Variants in GTF2F2 observed in about 807,000 individuals in gnomAD.
GTF2F2 encodes the protein ATP-dependent helicase GTF2F2.
Under a neutral mutation model 42.2 loss-of-function variants are expected in GTF2F2, and 23 were observed. That is an observed-to-expected ratio of 0.55 (90% CI 0.39 to 0.77). GTF2F2 has a LOEUF of 0.77. Ranked by LOEUF, GTF2F2 falls within the 30% of genes least tolerant of loss-of-function variation. The pLI, the probability that GTF2F2 is intolerant of heterozygous loss-of-function variation, is 0.00. For missense variants in GTF2F2, 261 were observed against 287.2 expected (o/e 0.91, Z 0.66); for synonymous variants, 105 against 100.8 (o/e 1.04, Z -0.25).
intron 4 of GTF2F2, among the ~76,000 whole-genome samples, chr13:45,204,658 G>C (rs1380487698): frequency 6.6e-6 from 1 of 152,176 alleles, no homozygotes; most frequent in Non-Finnish European, 1.5e-5. Context: ...TTTAAAAAGA[G>C]AGCAGGCAAA....
intron 2 of GTF2F2, among the ~76,000 whole-genome samples, chr13:45,147,634 C>G (rs1409860694): frequency 3.9e-5 from 6 of 152,088 alleles, no homozygotes; most frequent in Non-Finnish European, 7.4e-5. Flanking sequence ...AAGATACTTC[C>G]TCAACAAAGA....
At chr13:45,194,111 G>C (rs1365683909) in intron 4 of GTF2F2, 1 of 1,613,838 alleles carries the variant, frequency 6.2e-7, no homozygotes, top group Non-Finnish European at 8.5e-7. Flanking sequence ...CTTAATCCTT[G>C]TGAACGATCG....
chr13:45,225,330 A>G (rs529635643), intron 5 of GTF2F2, among the ~76,000 whole-genome samples: 4 of 151,776 alleles, frequency 2.6e-5, no homozygotes, highest in Admixed American at 1.3e-4. Context: ...TTTGAAATCA[A>G]TCACTTAATG....
chr13:45,254,952 A>C (rs552435824), intron 6 of GTF2F2, among the ~76,000 whole-genome samples: 1 of 152,200 alleles, frequency 6.6e-6, no homozygotes, highest in East Asian at 1.9e-4. Flanking sequence ...GGATCACCTG[A>C]GGTCAGGAGT....
chr13:45,121,288 CA>C (rs1868619458), intron 1 of GTF2F2, among the ~76,000 whole-genome samples: 1 of 152,164 alleles, frequency 6.6e-6, no homozygotes, highest in African/African-American at 2.4e-5. Flanking sequence ...AACTGGCCGT[CA>C]ATAAACGTTT....
intron 5 of GTF2F2, among the ~76,000 whole-genome samples, chr13:45,217,022 C>T (rs974962147): frequency 1.3e-5 from 2 of 151,306 alleles, no homozygotes; most frequent in African/African-American, 2.4e-5. Context: ...TCAAATGGGC[C>T]GGGCGCAGTG....
intron 2 of GTF2F2, among the ~76,000 whole-genome samples, chr13:45,138,075 T>C (rs1297140715): frequency 6.6e-6 from 1 of 152,172 alleles, no homozygotes; most frequent in Non-Finnish European, 1.5e-5. Context: ...ACTTTTTTCC[T>C]GAGACTTTTT....
Position 45,145,310 on chromosome 13 carries a change from A to AT in GTF2F2, c.141-4453dup, listed in dbSNP as rs537279112. 2.8e-4 allele frequency among the ~76,000 whole-genome samples: 42 copies of AT among 152,192 alleles called. No homozygotes were observed. The East Asian group carries it at 7.1e-3, about 26-fold the overall frequency. On this transcript the variant is annotated intron_variant, in intron 2 of 7. Transcript: ENST00000340473. ...CTTCATCATTCTTTGAGCACTTGTT[A>AT]TTTTTTTGACATAGAGAGATGTTTT...
chr13:45,195,153 T>C (rs1281867673), intron 4 of GTF2F2, among the ~76,000 whole-genome samples: 1 of 152,210 alleles, frequency 6.6e-6, no homozygotes, highest in Non-Finnish European at 1.5e-5. Context: ...CAAATAAGAA[T>C]ACTTAACCTG....
At chr13:45,212,479 C>CTTTTCT (rs372058595) in intron 5 of GTF2F2, among the ~76,000 whole-genome samples, 4 of 111,708 alleles carry the variant, frequency 3.6e-5, no homozygotes, top group African/African-American at 1.5e-4. Flanking sequence ...TTCTTTCTTT[C>CTTTTCT]TTTCTTTCTT....
At chr13:45,223,155 G>A (rs2138206916) in intron 5 of GTF2F2, among the ~76,000 whole-genome samples, 1 of 151,806 alleles carries the variant, frequency 6.6e-6, no homozygotes, top group East Asian at 1.9e-4. Context: ...TACTCCTGAG[G>A]CTGAGGTGGG....
intron 4 of GTF2F2, chr13:45,206,858 A>T (rs1873433980): frequency 1.3e-5 from 2 of 152,238 alleles, no homozygotes; most frequent in South Asian, 4.1e-4. Flanking sequence ...CAGATTTAGA[A>T]TTCTGCAGGA....
intron 5 of GTF2F2, among the ~76,000 whole-genome samples, chr13:45,230,054 A>G (rs142104256): frequency 0.012 from 1,808 of 152,082 alleles, 30 homozygotes; most frequent in African/African-American, 0.037. Context: ...TATCTCTACT[A>G]AAAATAGAAA....
At chr13:45,167,741 C>T (rs1437747898) in intron 4 of GTF2F2, among the ~76,000 whole-genome samples, 1 of 152,036 alleles carries the variant, frequency 6.6e-6, no homozygotes, top group African/African-American at 2.4e-5. Context: ...AGGCTTTCAC[C>T]ATGTTGGCCA....
intron 4 of GTF2F2, among the ~76,000 whole-genome samples, chr13:45,162,216 G>A (rs917789265): frequency 6.6e-6 from 1 of 152,138 alleles, no homozygotes; most frequent in Non-Finnish European, 1.5e-5. Flanking sequence ...TAGATGCTCT[G>A]TGGTGACTCC....
In GTF2F2 at chr13:45,273,655, A is replaced by ATTTTTTTTT. The variant is rs773254844; in HGVS notation, c.630+6288_630+6296dup. ...CCACTTGATTTTAAAGAGTGGTAAA[A>ATTTTTTTTT]TTTTTTTTTTTTTTTTTGAGACGGA... On this transcript the variant is annotated intron_variant, in intron 7 of 7. Transcript: ENST00000340473. Among the ~76,000 whole-genome samples the ATTTTTTTTT allele has an allele frequency of 1.2e-3, 153 of 123,842 alleles. 9 individuals are homozygous for ATTTTTTTTT. The highest frequency in any genetic ancestry group is 5.1e-3 in the African/African-American group (145 of 28,366). The allele number at this position is 123,842 out of a possible 152,430, so 81.2% of individuals were successfully genotyped here.
intron 5 of GTF2F2, among the ~76,000 whole-genome samples, chr13:45,240,210 T>C (rs1875218231): frequency 6.7e-6 from 1 of 148,610 alleles, no homozygotes; most frequent in South Asian, 2.2e-4. Flanking sequence ...TGGATTCACC[T>C]TAGGATGGGA....
intron 2 of GTF2F2, among the ~76,000 whole-genome samples, chr13:45,137,540 G>T (rs1183445046): frequency 6.6e-6 from 1 of 152,242 alleles, no homozygotes; most frequent in African/African-American, 2.4e-5. Flanking sequence ...TCTGGTTGGG[G>T]CTGGCCTGGG....
intron 6 of GTF2F2, among the ~76,000 whole-genome samples, chr13:45,264,315 T>C (rs1876476150): frequency 2.0e-5 from 3 of 151,974 alleles, no homozygotes. Context: ...ACAGAGTCAC[T>C]CTGTTGCTGA....
Sources: allele counts gnomAD v4.1 joint callset (sites outside exome capture counted in the v4.1 genomes callset), GRCh38; gene constraint gnomAD v4.1.1; transcripts MANE v1.5; gene names NCBI Gene and HGNC (gene_info 2026-07-23, HGNC 2026-07-21).